LPIN1: variants seen among roughly 807,000 people sequenced by gnomAD.
LPIN1 encodes lipin 1.
LPIN1 carries 71 observed loss-of-function variants against 107.5 expected under a neutral mutation model. The ratio of observed to expected loss-of-function variants is 0.66; its 90% CI spans 0.55 to 0.80. LPIN1 has a LOEUF of 0.80. Among genes scored for constraint, LPIN1 ranks in the 30% least tolerant of loss-of-function variants. The probability of loss-of-function intolerance (pLI) is 0.00; values close to 1 mark genes in which losing one functional copy is unlikely to be tolerated. For synonymous variants in LPIN1, 445 were observed against 452.6 expected, an observed-to-expected ratio of 0.98 and a Z score of 0.21; for missense variants, 1,043 against 1,160.6, an observed-to-expected ratio of 0.90 and a Z score of 1.47.
intron 16 of LPIN1, 80 bp from the exon 17 acceptor site, chr2:11,804,990 T>C (rs935677138): frequency 1.0e-5 from 9 of 862,638 alleles, no homozygotes; most frequent in South Asian, 5.9e-5. Flanking sequence ...GTGTTTTTTT[T>C]TTTTTTTTAT....
intron 14 of LPIN1, among the ~76,000 whole-genome samples, chr2:11,800,291 T>C (rs554170780): frequency 2.0e-5 from 3 of 152,298 alleles, no homozygotes; most frequent in African/African-American, 7.2e-5. Context: ...ATTCTAGGAC[T>C]GGAAGGAGCT....
In LPIN1 at chr2:11,681,658, C is replaced by T. The variant is rs144709804; in HGVS notation, c.81+3930C>T. 6.8e-3 allele frequency among the ~76,000 whole-genome samples: 1,039 copies of T among 152,302 alleles called. 6 individuals are homozygous for T. The highest frequency in any genetic ancestry group is 0.027 in the Middle Eastern group (8 of 292). ...TCGGCTCTGTTCTTTCCTTCTACCA[C>T]GTCCCCGTGCTGCCCCTGGGACGTG... On this transcript the variant is annotated intron_variant, in intron 1 of 21. Coordinates refer to the LPIN1 transcript ENST00000449576.
intron 20 of LPIN1, among the ~76,000 whole-genome samples, chr2:11,822,456 A>T (rs1044404678): frequency 1.3e-5 from 2 of 151,826 alleles, no homozygotes; most frequent in Non-Finnish European, 2.9e-5. Flanking sequence ...TCTAAAAAAA[A>T]AAAAATTAAA....
chr2:11,774,681 C>T lies in LPIN1; in HGVS notation c.722+936C>T, dbSNP rs79469584. Among the ~76,000 whole-genome samples, 889 of 152,272 alleles carry T rather than the reference C, an allele frequency of 5.8e-3. 13 individuals are homozygous for T. The highest frequency in any genetic ancestry group is 0.021 in the African/African-American group (856 of 41,554). On this transcript the variant is annotated intron_variant, in intron 5 of 20. Coordinates refer to ENST00000674199, the MANE Select transcript of LPIN1 (RefSeq NM_001349206.2). This position sits in a 1 kb window ranked among gnomAD's most constrained non-coding sequence, Gnocchi z 4.4. ...CTACCTGAAGCCGGTCTTATCAAAACGCCACCCCTGGTTCCAGTTTGATCA... is the reference window on the plus strand; with the variant it reads ...CTACCTGAAGCCGGTCTTATCAAAATGCCACCCCTGGTTCCAGTTTGATCA...
chr2:11,747,756 T>C (rs1490658763), intron 1 of LPIN1, among the ~76,000 whole-genome samples: 1 of 152,266 alleles, frequency 6.6e-6, no homozygotes, highest in Non-Finnish European at 1.5e-5. Flanking sequence ...TCCCAGATTC[T>C]TGTTGAAAGG....
At chr2:11,761,272 T>C (rs750511302) in intron 1 of LPIN1, among the ~76,000 whole-genome samples, 2 of 152,244 alleles carry the variant, frequency 1.3e-5, no homozygotes, top group Non-Finnish European at 2.9e-5. Context: ...TTTCTTATAT[T>C]GTACATCTTT....
At chr2:11,726,593 T>C (rs570299157) in intron 1 of LPIN1, among the ~76,000 whole-genome samples, 98 of 151,652 alleles carry the variant, frequency 6.5e-4, no homozygotes, top group African/African-American at 2.3e-3. Flanking sequence ...CAGCACCCTC[T>C]CAGCCCTCCT....
intron 1 of LPIN1, among the ~76,000 whole-genome samples, chr2:11,757,289 C>T (rs1286139433): frequency 1.3e-5 from 2 of 152,176 alleles, no homozygotes; most frequent in Admixed American, 6.5e-5. Context: ...ATACTTTCTT[C>T]TTTAAAGCAG....
At chr2:11,816,413 G>C (rs566942521) in intron 18 of LPIN1, 1 of 152,206 alleles carries the variant, frequency 6.6e-6, no homozygotes, top group Non-Finnish European at 1.5e-5. Context: ...GTGTTAAGTA[G>C]TAAGGCTTTG....
chr2:11,799,681 G>A (rs1677346974), intron 14 of LPIN1, among the ~76,000 whole-genome samples: 1 of 152,050 alleles, frequency 6.6e-6, no homozygotes, highest in African/African-American at 2.4e-5. Context: ...CTAGGATGAG[G>A]CCTTTGCTGG....
chr2:11,757,958 C>T (rs1175470470), intron 1 of LPIN1, among the ~76,000 whole-genome samples: 1 of 152,212 alleles, frequency 6.6e-6, no homozygotes, highest in Non-Finnish European at 1.5e-5. Flanking sequence ...CCCTGGTAAT[C>T]AGTCTTTCTG....
At chr2:11,797,911 C>G (rs1382387749) in intron 14 of LPIN1, among the ~76,000 whole-genome samples, 3 of 152,124 alleles carry the variant, frequency 2.0e-5, no homozygotes, top group Admixed American at 6.5e-5. Flanking sequence ...GTGTCCCCAT[C>G]CAAATGTCAC....
rs1435029331 is a variant in LPIN1, at chr2:11,771,486, A to G, written c.403A>G (p.Thr135Ala). 4.3e-6 allele frequency: 7 copies of G among 1,614,222 alleles called. No individual in the cohort carries two copies. The highest frequency in any genetic ancestry group is 2.2e-5 in the East Asian group (1 of 44,876). The change falls in exon 4 of 21, where the codon ACG becomes GCG. Residue 135 changes from threonine (T) to alanine (A), a missense_variant. By Grantham distance (58) the Thr-to-Ala change is moderately conservative. Transcript: ENST00000674199. The surrounding 1 kb of genome is among the most constrained non-coding windows in gnomAD (Gnocchi z 4.8). ...VDRMRGLDPS[T>A]PAQVIAPSET... is the part of the protein sequence containing the mutation. ...CAGGATGAGAGGCCTGGACCCCAGC[A>G]CGCCAGCCCAAGTGATCGCTCCCAG...
intron 1 of LPIN1, among the ~76,000 whole-genome samples, chr2:11,693,994 C>G (rs371642640): frequency 4.0e-5 from 6 of 151,408 alleles, no homozygotes; most frequent in African/African-American, 1.5e-4. Context: ...GCCACCACAT[C>G]TGGCTAATTT....
At chr2:11,760,464 C>A (rs528567383) in intron 1 of LPIN1, among the ~76,000 whole-genome samples, 1 of 152,108 alleles carries the variant, frequency 6.6e-6, no homozygotes, top group Non-Finnish European at 1.5e-5. Context: ...CAGATCACTC[C>A]CGATTAGGAG....
At chr2:11,716,045 C>A (rs1334327105) in intron 2 of LPIN1, among the ~76,000 whole-genome samples, 1 of 152,128 alleles carries the variant, frequency 6.6e-6, no homozygotes, top group African/African-American at 2.4e-5. Context: ...GTGAACTGCT[C>A]ATGGAACTTC....
At chr2:11,698,189 G>C (rs948036130) in intron 1 of LPIN1, among the ~76,000 whole-genome samples, 10 of 152,224 alleles carry the variant, frequency 6.6e-5, no homozygotes, top group African/African-American at 2.4e-4. Context: ...GGCAAGCCCT[G>C]ACTCAGGCTG....
At chr2:11,768,868 G>A (rs557948031) in intron 3 of LPIN1, among the ~76,000 whole-genome samples, 28 of 152,210 alleles carry the variant, frequency 1.8e-4, no homozygotes, top group South Asian at 1.7e-3. Context: ...CCCGGGAGGC[G>A]GAGCTTGCAG....
At chr2:11,718,671 G>A (rs151132531) in intron 2 of LPIN1, among the ~76,000 whole-genome samples, 270 of 152,306 alleles carry the variant, frequency 1.8e-3, no homozygotes, top group African/African-American at 6.3e-3. Context: ...TTCTACGCCT[G>A]TCTGGCTTTG....
Sources: gnomAD v4.1 joint callset for allele counts (sites outside exome capture counted in the v4.1 genomes callset) on GRCh38, gnomAD v4.1.1 for gene constraint, Gnocchi (gnomAD v3.1) non-coding constraint, MANE v1.5 for transcripts, NCBI Gene and HGNC (gene_info 2026-07-23, HGNC 2026-07-21) for gene names.